Variants in APC observed in about 807,000 individuals in gnomAD.
APC encodes adenomatous polyposis coli protein.
APC carries 72 observed loss-of-function variants against 247.0 expected under a neutral mutation model. That is an observed-to-expected ratio of 0.29 (90% CI 0.24 to 0.35). The LOEUF is 0.35. Ranked by LOEUF, APC falls within the 10% of genes least tolerant of loss-of-function variation. APC has a pLI of 1.00. For missense variants in APC, 3,400 were observed against 3,360.7 expected (o/e 1.01, Z -0.29); for synonymous variants, 1,254 against 1,162.5 (o/e 1.08, Z -1.60).
chr5:112,780,703 T>C (rs1429745145), intron 5 of APC, 87 bp from the exon 6 acceptor site: 10 of 922,244 alleles, frequency 1.1e-5, no homozygotes, highest in Non-Finnish European at 1.7e-5. Context: ...TTATTCATTT[T>C]CTTTATTGGT....
intron 5 of APC, among the ~76,000 whole-genome samples, chr5:112,776,463 T>C (rs1464056807): frequency 2.0e-5 from 3 of 152,210 alleles, no homozygotes; most frequent in Non-Finnish European, 4.4e-5. Context: ...ACCATCTGAT[T>C]AGGTTTCCAT....
At chr5:112,735,791 G>C (rs1752351149), upstream of APC, among the ~76,000 whole-genome samples, 1 of 151,992 alleles carries the variant, frequency 6.6e-6, no homozygotes. Context: ...TGTTTAACTT[G>C]GCTTTCTTTT....
At chr5:112,723,674 A>G (rs1751607844) in intron 1 of APC, among the ~76,000 whole-genome samples, 1 of 152,188 alleles carries the variant, frequency 6.6e-6, no homozygotes, top group South Asian at 2.1e-4. Context: ...CCCACAAAAA[A>G]CCATTTAATT....
At chr5:112,723,321 G>A (rs1751588334) in intron 1 of APC, among the ~76,000 whole-genome samples, 1 of 152,104 alleles carries the variant, frequency 6.6e-6, no homozygotes, top group African/African-American at 2.4e-5. Flanking sequence ...AATTAGTTGG[G>A]CATGGTGGTG....
At chr5:112,714,850 A>T (rs1165809069) in intron 1 of APC, among the ~76,000 whole-genome samples, 1 of 152,092 alleles carries the variant, frequency 6.6e-6, no homozygotes, top group African/African-American at 2.4e-5. Context: ...TGTATTCTTA[A>T]TGTCTAAATG....
At chr5:112,714,936 A>C (rs1186916545) in intron 1 of APC, among the ~76,000 whole-genome samples, 1 of 152,222 alleles carries the variant, frequency 6.6e-6, no homozygotes, top group Non-Finnish European at 1.5e-5. Context: ...CTTACTACAG[A>C]AAGGAAGAAG....
chr5:112,737,970 G>A lies in APC; in HGVS notation c.-19+45G>A, dbSNP rs370011472. On this transcript the variant is annotated intron_variant, in intron 1 of 15. Transcript: ENST00000257430. Reference sequence around the variant, plus strand: ...TGGCCAGGCTTGCTGCGGGGGGAGGGGGGAAGGTGGTTTTCCCTCGCACTG... The same window carrying A: ...TGGCCAGGCTTGCTGCGGGGGGAGGAGGGAAGGTGGTTTTCCCTCGCACTG... The A allele has an allele frequency of 1.1e-3, 1,083 of 978,334 alleles. 16 individuals carry two copies. The African/African-American group carries it at 0.018, about 16-fold the overall frequency. The allele number at this position is 978,334 out of a possible 1,614,324, so 60.6% of individuals were successfully genotyped here.
At chr5:112,803,490 T>G (rs1464234641) in intron 8 of APC, among the ~76,000 whole-genome samples, 1 of 152,156 alleles carries the variant, frequency 6.6e-6, no homozygotes, top group Non-Finnish European at 1.5e-5. Context: ...TAACAAAAAG[T>G]CTCTGAGCTT....
intron 4 of APC, among the ~76,000 whole-genome samples, chr5:112,773,850 T>C (rs576334306): frequency 2.4e-4 from 36 of 152,242 alleles, no homozygotes; most frequent in African/African-American, 8.4e-4. Context: ...GTTTATAAAC[T>C]TGAACAAAAT....
At chr5:112,809,305 T>G (rs1761741425) in intron 8 of APC, among the ~76,000 whole-genome samples, 1 of 151,936 alleles carries the variant, frequency 6.6e-6, no homozygotes, top group Non-Finnish European at 1.5e-5. Flanking sequence ...GCTGAAATCA[T>G]GGCACTGTAC....
intron 4 of APC, among the ~76,000 whole-genome samples, chr5:112,773,418 C>T (rs1405075365): frequency 1.3e-5 from 2 of 152,158 alleles, no homozygotes; most frequent in South Asian, 2.1e-4. Context: ...CAAAACGTTA[C>T]AGTTGACCCT....
chr5:112,736,457 C>T (rs1243968986), upstream of APC, among the ~76,000 whole-genome samples: 1 of 152,176 alleles, frequency 6.6e-6, no homozygotes, highest in Non-Finnish European at 1.5e-5. Context: ...CATAATCTCA[C>T]TTTCCAGGAA....
intron 1 of APC, among the ~76,000 whole-genome samples, chr5:112,745,804 C>G (rs2149707039): frequency 6.6e-6 from 1 of 152,128 alleles, no homozygotes; most frequent in African/African-American, 2.4e-5. Flanking sequence ...CTGACCTTGA[C>G]CTGCCTCGCA....
intron 8 of APC, among the ~76,000 whole-genome samples, chr5:112,813,862 G>A (rs1295458852): frequency 6.6e-6 from 1 of 152,126 alleles, no homozygotes; most frequent in African/African-American, 2.4e-5. Context: ...ACCCTCTAGA[G>A]TAGGAGGTGC....
chr5:112,778,231 A>C (rs1323430528), intron 5 of APC: 1 of 169,030 alleles, frequency 5.9e-6, no homozygotes, highest in African/African-American at 2.4e-5. Flanking sequence ...ACCACCTCCA[A>C]GCTGCTCTGG....
rs1422018106 is a variant in APC at position 112,845,133 on chromosome 5, AAG to A, written c.*1009_*1010del. ...CCTCTTACTGTAATAAAAACAATTG[AAG>A]AAGACTGTTGCCACTTAACCATTCC... On this transcript the variant is annotated 3_prime_UTR_variant, in exon 16 of 16. Coordinates refer to ENST00000257430, the MANE Select transcript of APC (RefSeq NM_000038.6). The A allele has an allele frequency of 4.3e-6, 1 of 232,472 alleles. No individual in the cohort carries two copies. Among genetic ancestry groups the A allele is most frequent in the African/African-American group, 2.2e-5 (1 of 45,308 alleles). The allele number at this position is 232,472 out of a possible 1,614,324, so 14.4% of individuals were successfully genotyped here.
Position 112,836,165 on chromosome 5 carries a change from TCCCC to T in APC, c.1958+1011_1958+1014del, listed in dbSNP as rs59050067. On this transcript the variant is annotated intron_variant, in intron 15 of 15. Coordinates refer to ENST00000257430, the MANE Select transcript of APC (RefSeq NM_000038.6). ...CCTCCCGAGTAGCTGGGATTACAGG[TCCCC>T]CCCCCCCCCCGCCACCGTGCCCGGC... 1.7e-3 allele frequency among the ~76,000 whole-genome samples: 42 copies of T among 24,490 alleles called. 8 individuals are homozygous for T. The highest frequency in any genetic ancestry group is 3.6e-3 in the Admixed American group (4 of 1,124). The allele number at this position is 24,490 out of a possible 152,430, so 16.1% of individuals were successfully genotyped here.
At chr5:112,733,072 C>G (rs1486330727), upstream of APC, among the ~76,000 whole-genome samples, 4 of 152,210 alleles carry the variant, frequency 2.6e-5, no homozygotes, top group African/African-American at 9.7e-5. Flanking sequence ...GAACCTAAGT[C>G]TTCAATCTCC....
intron 6 of APC, among the ~76,000 whole-genome samples, chr5:112,781,757 A>C (rs929450934): frequency 6.6e-6 from 1 of 151,024 alleles, no homozygotes; most frequent in Non-Finnish European, 1.5e-5. Flanking sequence ...CTTCCTAAAC[A>C]TAATGATTTT....
Sources: allele counts gnomAD v4.1 joint callset (sites outside exome capture counted in the v4.1 genomes callset), GRCh38; gene constraint gnomAD v4.1.1; transcripts MANE v1.5; gene names NCBI Gene and HGNC (gene_info 2026-07-23, HGNC 2026-07-21).